The following RABGAP1L variants were observed in gnomAD, a reference collection of about 807,000 sequenced individuals.
RABGAP1L encodes rab GTPase-activating protein 1-like.
Under a neutral mutation model 137.7 loss-of-function variants are expected in RABGAP1L, and 63 were observed. The ratio of observed to expected loss-of-function variants is 0.46; its 90% confidence interval spans 0.37 to 0.56. The LOEUF (loss-of-function observed/expected upper bound fraction) is 0.56. RABGAP1L is among the 20% of genes least tolerant of loss of function. RABGAP1L has a pLI of 0.00. For synonymous variants in RABGAP1L, 431 were observed against 433.7 expected (o/e 0.99, Z 0.08); for missense variants, 1,095 against 1,244.0 (o/e 0.88, Z 1.80).
intron 13 of RABGAP1L, among the ~76,000 whole-genome samples, chr1:174,495,438 T>C (rs1371383027): frequency 6.6e-6 from 1 of 152,234 alleles, no homozygotes; most frequent in Non-Finnish European, 1.5e-5. Context: ...GTCTAAAATG[T>C]AGGAGTAATT....
intron 12 of RABGAP1L, among the ~76,000 whole-genome samples, chr1:174,377,875 G>A (rs1685701448): frequency 7.2e-6 from 1 of 138,316 alleles, no homozygotes; most frequent in Admixed American, 7.1e-5. Context: ...ATGCTGGTGC[G>A]CTGCACCCAC....
At chr1:174,575,563 AT>A (rs1483478108) in intron 13 of RABGAP1L, among the ~76,000 whole-genome samples, 2 of 152,196 alleles carry the variant, frequency 1.3e-5, no homozygotes, top group Non-Finnish European at 2.9e-5. Flanking sequence ...AAAAAAGAAA[AT>A]GCAACTGAGA....
chr1:174,167,189 A>G (rs1423377266), intron 1 of RABGAP1L, among the ~76,000 whole-genome samples: 1 of 151,940 alleles, frequency 6.6e-6, no homozygotes, highest in Non-Finnish European at 1.5e-5. Flanking sequence ...TCATGTCAGC[A>G]CAGTGTTTCT....
chr1:174,963,715 A>G (rs1180671434), intron 20 of RABGAP1L, among the ~76,000 whole-genome samples: 1 of 152,004 alleles, frequency 6.6e-6, no homozygotes, highest in Non-Finnish European at 1.5e-5. Context: ...TTTGTAAACC[A>G]AGTTTTATTG....
At chr1:174,912,092 A>G (rs1660145918) in intron 19 of RABGAP1L, among the ~76,000 whole-genome samples, 1 of 151,900 alleles carries the variant, frequency 6.6e-6, no homozygotes, top group South Asian at 2.1e-4. Flanking sequence ...GAAATAGCAG[A>G]AAAAAAATAT....
intron 19 of RABGAP1L, among the ~76,000 whole-genome samples, chr1:174,816,147 C>CTTTTTTTTTTTTTTT (rs67065448): frequency 1.2e-5 from 1 of 86,188 alleles, no homozygotes; most frequent in Non-Finnish European, 2.1e-5. Context: ...TAATACATAG[C>CTTTTTTTTTTTTTTT]TTTTTTTTTT....
In RABGAP1L at chr1:174,990,557, T is replaced by G. The variant is rs1410228440; in HGVS notation, c.*556T>G. On this transcript the variant is annotated 3_prime_UTR_variant, in exon 26 of 26. Coordinates refer to ENST00000681986, the MANE Select transcript of RABGAP1L (RefSeq NM_001366446.1). ...AAGGAAAGAACCAATCAGCGATCATTGGTTTACTTTCATTTTCTGTTCGGT... is the reference window on the plus strand; with the variant it reads ...AAGGAAAGAACCAATCAGCGATCATGGGTTTACTTTCATTTTCTGTTCGGT... The G allele has an allele frequency of 6.6e-6, 1 of 152,216 alleles. No individual in the cohort carries two copies. The highest frequency in any genetic ancestry group is 1.5e-5 in the Non-Finnish European group (1 of 68,062). 9.4% of individuals were successfully genotyped at this position (152,216 alleles called of 1,614,324 possible).
intron 18 of RABGAP1L, among the ~76,000 whole-genome samples, chr1:174,757,653 T>C (rs1388980735): frequency 1.3e-5 from 2 of 151,918 alleles, no homozygotes; most frequent in Non-Finnish European, 2.9e-5. Context: ...TTCAGCCAGC[T>C]TTGAAGACTC....
At chr1:174,348,735 AGT>A (rs1682694276) in intron 11 of RABGAP1L, among the ~76,000 whole-genome samples, 1 of 149,160 alleles carries the variant, frequency 6.7e-6, no homozygotes, top group African/African-American at 2.5e-5. Context: ...TTTAACCCTG[AGT>A]GGACACAGCA....
At chr1:174,799,442 A>G (rs574809227) in intron 18 of RABGAP1L, among the ~76,000 whole-genome samples, 1 of 152,300 alleles carries the variant, frequency 6.6e-6, no homozygotes, top group Non-Finnish European at 1.5e-5. Flanking sequence ...TATAAGATCT[A>G]TTCTCGTTGT....
chr1:174,765,132 A>G (rs774216964), intron 18 of RABGAP1L, among the ~76,000 whole-genome samples: 8 of 152,224 alleles, frequency 5.3e-5, no homozygotes. Flanking sequence ...ATAGGAGACA[A>G]TCGAAACAAT....
chr1:174,429,910 A>G (rs989719875), intron 13 of RABGAP1L, among the ~76,000 whole-genome samples: 2 of 152,168 alleles, frequency 1.3e-5, no homozygotes, highest in East Asian at 3.9e-4. Context: ...GAAATGTGTC[A>G]TGTTAGCAAC....
chr1:174,162,765 T>A lies in RABGAP1L; in HGVS notation c.-34+3108T>A, dbSNP rs568354911. ...GGTGCTGGTATTTCTTTTTTTTTTT[T>A]TTTCTCTTTCTGTTTTTTTTTTTTT... On this transcript the variant is annotated intron_variant, in intron 1 of 25. Transcript: ENST00000681986. 3.3e-4 allele frequency among the ~76,000 whole-genome samples: 47 copies of A among 141,912 alleles called. No homozygotes were observed. The East Asian group carries it at 7.1e-3, about 22-fold the overall frequency. The allele number at this position is 141,912 out of a possible 152,430, so 93.1% of individuals were successfully genotyped here. A position where few individuals can be genotyped will look rare whatever the true frequency, so the allele number is the denominator to read the frequency against.
At chr1:174,795,854 G>A (rs1688203743) in intron 18 of RABGAP1L, among the ~76,000 whole-genome samples, 1 of 152,196 alleles carries the variant, frequency 6.6e-6, no homozygotes, top group Non-Finnish European at 1.5e-5. Context: ...GGGATTATAG[G>A]TGTGAGCTAC....
chr1:174,371,090 A>C lies in RABGAP1L; in HGVS notation c.1559+18A>C. 7.4e-7 allele frequency: 1 copy of C among 1,359,516 alleles called. No homozygotes were observed. Among genetic ancestry groups the C allele is most frequent in the Non-Finnish European group, 1.0e-6 (1 of 983,426 alleles). 84.2% of individuals were successfully genotyped at this position (1,359,516 alleles called of 1,614,324 possible). A position where few individuals can be genotyped will look rare whatever the true frequency, so the allele number is the denominator to read the frequency against. On this transcript the variant is annotated intron_variant, in intron 12 of 25. Coordinates refer to ENST00000681986, the MANE Select transcript of RABGAP1L (RefSeq NM_001366446.1). ...GGAAAATGGTAAAATTTTATTTTTC[A>C]TACTGAAAATTCTATATTTACATAG... is the stretch of plus-strand genomic sequence containing the variant.
At chr1:174,195,775 C>T (rs566852898) in intron 1 of RABGAP1L, among the ~76,000 whole-genome samples, 228 of 102,316 alleles carry the variant, frequency 2.2e-3, no homozygotes, top group African/African-American at 5.0e-3. Flanking sequence ...TTCTCTCTTT[C>T]CTTTCTTTCT....
chr1:174,690,103 A>G (rs1322142151), intron 15 of RABGAP1L, among the ~76,000 whole-genome samples: 3 of 152,158 alleles, frequency 2.0e-5, no homozygotes, highest in Non-Finnish European at 4.4e-5. Flanking sequence ...TATTTAAAAA[A>G]TATTTAACTA....
chr1:174,821,694 C>T (rs1006968413), intron 19 of RABGAP1L, among the ~76,000 whole-genome samples: 1 of 152,178 alleles, frequency 6.6e-6, no homozygotes, highest in African/African-American at 2.4e-5. Flanking sequence ...GCTGTTGTTG[C>T]TGTACGTGAA....
At chr1:174,768,219 T>C (rs1239877849) in intron 18 of RABGAP1L, among the ~76,000 whole-genome samples, 2 of 152,224 alleles carry the variant, frequency 1.3e-5, no homozygotes, top group Non-Finnish European at 2.9e-5. Flanking sequence ...AATAGGTAAC[T>C]AGGCAGACAT....
Sources: gnomAD v4.1 joint callset for allele counts (sites outside exome capture counted in the v4.1 genomes callset) on GRCh38, gnomAD v4.1.1 for gene constraint, MANE v1.5 for transcripts, NCBI Gene and HGNC (gene_info 2026-07-23, HGNC 2026-07-21) for gene names.